The following SPAG17 variants were observed in gnomAD, a reference collection of about 807,000 sequenced individuals.
SPAG17 encodes the protein sperm-associated antigen 17.
Under a neutral mutation model 273.6 loss-of-function variants are expected in SPAG17, and 169 were observed. The observed-to-expected ratio is 0.62, with a 90% CI of 0.55 to 0.70. The LOEUF is 0.70. Among genes scored for constraint, SPAG17 ranks in the 30% least tolerant of loss-of-function variants. The pLI, the probability that SPAG17 is intolerant of heterozygous loss-of-function variation, is 0.00. For synonymous variants in SPAG17, 825 were observed against 873.2 expected, an observed-to-expected ratio of 0.94 and a Z score of 0.97; for missense variants, 2,557 against 2,627.8, an observed-to-expected ratio of 0.97 and a Z score of 0.59.
intron 3 of SPAG17, among the ~76,000 whole-genome samples, chr1:118,136,709 T>C (rs1290013550): frequency 6.6e-6 from 1 of 152,220 alleles, no homozygotes; most frequent in East Asian, 1.9e-4. Flanking sequence ...TACTTGTCTC[T>C]GCTTTCAGAA....
At chr1:118,091,886 C>A (rs759177681) in intron 9 of SPAG17, 44 bp downstream of exon 9, 2 of 1,591,704 alleles carry the variant, frequency 1.3e-6, no homozygotes, top group South Asian at 2.2e-5. Flanking sequence ...TCTTAAAGTG[C>A]CAGCTCATGG....
intron 14 of SPAG17, 44 bp from the exon 15 acceptor site, chr1:118,081,363 A>G: frequency 6.2e-7 from 1 of 1,611,802 alleles, no homozygotes; most frequent in Non-Finnish European, 8.5e-7. Flanking sequence ...TATGAGAAAA[A>G]TTGACGATCA....
intron 1 of SPAG17, among the ~76,000 whole-genome samples, chr1:118,177,090 A>G (rs1660729663): frequency 6.6e-6 from 1 of 152,230 alleles, no homozygotes; most frequent in Admixed American, 6.5e-5. Flanking sequence ...TTGTATCCAT[A>G]AAGTAGAAAG....
At chr1:117,984,427 T>C (rs1300961851) in intron 41 of SPAG17, among the ~76,000 whole-genome samples, 2 of 152,186 alleles carry the variant, frequency 1.3e-5, no homozygotes, top group Non-Finnish European at 2.9e-5. Flanking sequence ...GGGTAAGTAA[T>C]AGTGAGACTG....
At chr1:117,998,568 A>G (rs1026138104) in intron 32 of SPAG17, among the ~76,000 whole-genome samples, 6 of 152,070 alleles carry the variant, frequency 3.9e-5, no homozygotes, top group African/African-American at 1.4e-4. Flanking sequence ...GAATTTTAGA[A>G]TAGCTTTTTC....
chr1:118,065,509 G>A (rs1421561178), intron 18 of SPAG17, among the ~76,000 whole-genome samples: 1 of 152,038 alleles, frequency 6.6e-6, no homozygotes, highest in Non-Finnish European at 1.5e-5. Flanking sequence ...TTAAAGCAAG[G>A]AAAAATTATA....
At chr1:118,066,513 G>C (rs1258746647) in intron 18 of SPAG17, among the ~76,000 whole-genome samples, 1 of 152,106 alleles carries the variant, frequency 6.6e-6, no homozygotes, top group African/African-American at 2.4e-5. Context: ...ATTCCACGAG[G>C]GCAAGAATGA....
At chr1:117,971,519 G>T (rs868334188) in intron 45 of SPAG17, among the ~76,000 whole-genome samples, 4 of 152,128 alleles carry the variant, frequency 2.6e-5, no homozygotes, top group Non-Finnish European at 5.9e-5. Flanking sequence ...TTGAGAAAAA[G>T]ACTTTCAATT....
chr1:118,185,194 C>G lies in SPAG17; in HGVS notation c.-37G>C, dbSNP rs374912161. 5.8e-6 allele frequency: 9 copies of G among 1,552,140 alleles called. No individual in the cohort carries two copies. In the African/African-American group the frequency reaches 1.2e-4, roughly 21 times the overall value. The stretch of plus-strand genomic sequence containing the variant: ...GAGAAGCATTGGCCTCTAAACTGGG[C>G]GCAGGCCCTGCCTAAGCGTCCCCGC... On this transcript the variant is annotated 5_prime_UTR_variant, in exon 1 of 49. Transcript: ENST00000336338.
chr1:118,112,361 T>C (rs1045951901), intron 4 of SPAG17, among the ~76,000 whole-genome samples: 1 of 152,072 alleles, frequency 6.6e-6, no homozygotes, highest in Non-Finnish European at 1.5e-5. Flanking sequence ...AGAATATATT[T>C]GTTCAGTACA....
chr1:118,086,038 T>C lies in SPAG17; in HGVS notation c.1646A>G (p.Gln549Arg). ...CAGTGGCAACTTGGACTGCATCTCC[T>C]GCTCAATTTGAACTGGATCAAAATT... ...QKNFDPVQIE[Q>R]EMQSKLPLWE... The change falls in exon 13 of 49, where the codon CAG becomes CGG. Residue 549 changes from glutamine to arginine, a missense_variant. Gln to Arg is a conservative substitution (Grantham distance 43, BLOSUM62 1). Transcript: ENST00000336338. The C allele has an allele frequency of 5.0e-6, 8 of 1,613,790 alleles. No homozygotes were observed. The highest frequency in any genetic ancestry group is 6.8e-6 in the Non-Finnish European group (8 of 1,179,928).
intron 43 of SPAG17, among the ~76,000 whole-genome samples, chr1:117,977,937 G>A (rs1297920624): frequency 6.6e-6 from 1 of 152,154 alleles, no homozygotes; most frequent in African/African-American, 2.4e-5. Flanking sequence ...CCAACACCCT[G>A]TCTTATCTGA....
At chr1:118,171,855 T>C (rs1439325973) in intron 1 of SPAG17, among the ~76,000 whole-genome samples, 1 of 152,122 alleles carries the variant, frequency 6.6e-6, no homozygotes, top group Non-Finnish European at 1.5e-5. Context: ...GGAGGAAGAA[T>C]GGAATAGTGA....
chr1:118,152,950 TGAAGTTCCTGATGACTACACCTTCC>T (rs1659470398), intron 1 of SPAG17, among the ~76,000 whole-genome samples: 3 of 152,198 alleles, frequency 2.0e-5, no homozygotes, highest in African/African-American at 7.2e-5. Flanking sequence ...GGCAATACCT[TGAAGTTCCTGATGACTACACCTTCC>T]AAAACTGAAG....
chr1:118,128,655 C>T (rs377096149), intron 3 of SPAG17, among the ~76,000 whole-genome samples: 120 of 152,304 alleles, frequency 7.9e-4, no homozygotes, highest in Non-Finnish European at 1.3e-3. Flanking sequence ...CTCATGCTGC[C>T]TGCTTAGCTA....
At chr1:118,123,036 G>A (rs1360744030) in intron 3 of SPAG17, among the ~76,000 whole-genome samples, 3 of 152,202 alleles carry the variant, frequency 2.0e-5, no homozygotes, top group Non-Finnish European at 4.4e-5. Context: ...AAAAGAAAAG[G>A]TGTAAAAATG....
At chr1:117,967,933 A>G (rs1654060344) in intron 46 of SPAG17, among the ~76,000 whole-genome samples, 1 of 152,262 alleles carries the variant, frequency 6.6e-6, no homozygotes, top group Non-Finnish European at 1.5e-5. Flanking sequence ...ATAGTTTTAT[A>G]AATAGTAGAA....
At chr1:117,970,392 G>C (rs1305893529) in intron 45 of SPAG17, among the ~76,000 whole-genome samples, 1 of 152,226 alleles carries the variant, frequency 6.6e-6, no homozygotes, top group African/African-American at 2.4e-5. Context: ...CCAGGCTTGG[G>C]CAGTGGGACT....
chr1:118,157,613 T>C (rs1192164019), intron 1 of SPAG17, among the ~76,000 whole-genome samples: 1 of 152,194 alleles, frequency 6.6e-6, no homozygotes, highest in African/African-American at 2.4e-5. Flanking sequence ...GATTCCTTCA[T>C]ACTGTGGTGG....
Sources: gnomAD v4.1 joint callset for allele counts (sites outside exome capture counted in the v4.1 genomes callset) on GRCh38, gnomAD v4.1.1 for gene constraint, MANE v1.5 for transcripts, NCBI Gene and HGNC (gene_info 2026-07-23, HGNC 2026-07-21) for gene names.